Variants in TAGLN2 observed in about 807,000 individuals in gnomAD.
The protein encoded by TAGLN2 is transgelin-2.
TAGLN2 carries 14 observed loss-of-function variants against 24.9 expected under a neutral mutation model. The ratio of observed to expected loss-of-function variants is 0.56; its 90% CI spans 0.37 to 0.88. TAGLN2 has a LOEUF of 0.88. Ranked by LOEUF, TAGLN2 falls within the 40% of genes least tolerant of loss-of-function variation. TAGLN2 has a pLI of 0.00. For synonymous variants in TAGLN2, 77 were observed against 98.2 expected (o/e 0.78, Z 1.28); for missense variants, 208 against 258.9 (o/e 0.80, Z 1.35).
rs1349711225 is a variant in TAGLN2 at position 159,918,368 on chromosome 1, T to G, written c.*432A>C. On this transcript the variant is annotated 3_prime_UTR_variant, in exon 5 of 5. Transcript: ENST00000368097. The stretch of plus-strand genomic sequence containing the variant: ...TAAATTAAGTTCCTGCAGCCACAGC[T>G]GTGGGAGAAGCATACTTGTAGAAGC... 6.3e-6 allele frequency: 1 copy of G among 158,066 alleles called. No homozygotes were observed. Among genetic ancestry groups the G allele is most frequent in the Non-Finnish European group, 1.4e-5 (1 of 71,378 alleles). The allele number at this position is 158,066 out of a possible 1,614,324, so 9.8% of individuals were successfully genotyped here. A position where few individuals can be genotyped will look rare whatever the true frequency, so the allele number is the denominator to read the frequency against.
intron 4 of TAGLN2, 140 bp downstream of exon 4, chr1:159,919,134 G>A (rs1650438570): frequency 8.1e-7 from 1 of 1,238,460 alleles, no homozygotes; most frequent in Admixed American, 1.9e-5. Flanking sequence ...AGGGTGTTGT[G>A]AGGATTAAGT....
intron 1 of TAGLN2, chr1:159,923,552 G>A: frequency 1.4e-6 from 2 of 1,435,948 alleles, no homozygotes; most frequent in Middle Eastern, 1.8e-4. Context: ...CCACCGTGCA[G>A]ATGGAACACA....
At chr1:159,924,681 C>A (rs1443113403) in intron 1 of TAGLN2, 1 of 152,212 alleles carries the variant, frequency 6.6e-6, no homozygotes, top group Non-Finnish European at 1.5e-5. Context: ...ACGCAGTGGT[C>A]TGGGCAGCCC....
At chr1:159,921,109 G>GA (rs932199417) in intron 1 of TAGLN2, among the ~76,000 whole-genome samples, 1 of 152,192 alleles carries the variant, frequency 6.6e-6, no homozygotes, top group Non-Finnish European at 1.5e-5. Context: ...AATTTCCTAT[G>GA]AAAAACCAGG....
intron 3 of TAGLN2, 97 bp from the exon 4 acceptor site, chr1:159,919,473 T>C: frequency 2.1e-6 from 3 of 1,408,088 alleles, no homozygotes; most frequent in South Asian, 1.2e-5. Flanking sequence ...TTCCTAATTA[T>C]TTCTACTGTT....
rs1650497809 is a variant in TAGLN2 at position 159,920,542 on chromosome 1, G to T, written c.-28-5C>A. ...GGTGGCGGTGGCTGCGGGGAGCTAG[G>T]GAGAGGACACACCCGGGCTTTTGGT... On this transcript the variant is annotated splice_region_variant and splice_polypyrimidine_tract_variant and intron_variant, in intron 1 of 4. Transcript: ENST00000368097. The T allele has an allele frequency of 2.5e-6, 4 of 1,611,540 alleles. No individual in the cohort carries two copies. The highest frequency in any genetic ancestry group is 3.4e-6 in the Non-Finnish European group (4 of 1,178,022).
Position 159,918,691 on chromosome 1 carries a change from G to C in TAGLN2, c.*109C>G, listed in dbSNP as rs1392483953. On this transcript the variant is annotated 3_prime_UTR_variant, in exon 5 of 5. Coordinates refer to ENST00000368097, the MANE Select transcript of TAGLN2 (RefSeq NM_003564.3). ...ACAGGCTGAACCCCCCACCCTGACA[G>C]AAAGGAGCTTGAGAGCTCTGGGGCT... 2 of 1,481,208 alleles carry C rather than the reference G, an allele frequency of 1.4e-6. No homozygotes were observed. The highest frequency in any genetic ancestry group is 2.8e-5 in the African/African-American group (2 of 71,470). 91.8% of individuals were successfully genotyped at this position (1,481,208 alleles called of 1,614,324 possible).
At chr1:159,923,468 C>A (rs1446017769) in intron 1 of TAGLN2, 4 of 1,549,812 alleles carry the variant, frequency 2.6e-6, no homozygotes, top group Admixed American at 2.0e-5. Flanking sequence ...AAAAGGCGGA[C>A]ATGGGTGGGG....
At chr1:159,920,571 C>T (rs771243726) in intron 1 of TAGLN2, 34 bp from the exon 2 acceptor site, 46 of 1,593,640 alleles carry the variant, frequency 2.9e-5, no homozygotes, top group Non-Finnish European at 3.9e-5. Context: ...TTTTGGTCAA[C>T]ACCTTGCAGC....
intron 1 of TAGLN2, chr1:159,923,548 T>A: frequency 1.4e-6 from 2 of 1,439,884 alleles, no homozygotes; most frequent in Non-Finnish European, 1.9e-6. Flanking sequence ...CCATCCACCG[T>A]GCAGATGGAA....
At chr1:159,919,531 C>G in intron 3 of TAGLN2, 130 bp downstream of exon 3, 1 of 1,343,336 alleles carries the variant, frequency 7.4e-7, no homozygotes, top group South Asian at 1.3e-5. Context: ...ACCAAGTGCT[C>G]CATGGAACAC....
intron 1 of TAGLN2, among the ~76,000 whole-genome samples, chr1:159,921,076 G>C (rs1650516908): frequency 6.6e-6 from 1 of 152,212 alleles, no homozygotes; most frequent in Non-Finnish European, 1.5e-5. Context: ...ATAGGTCCTT[G>C]AGGGATTTCA....
intron 4 of TAGLN2, 61 bp downstream of exon 4, chr1:159,919,213 G>T (rs2101864789): frequency 3.3e-6 from 5 of 1,512,648 alleles, no homozygotes; most frequent in Middle Eastern, 1.8e-4. Flanking sequence ...ATTTCCTAGG[G>T]ACAGGATTGG....
chr1:159,918,924 G>A lies in TAGLN2; in HGVS notation c.476C>T (p.Pro159Leu). 1.2e-6 allele frequency: 2 copies of A among 1,614,176 alleles called. No individual in the cohort carries two copies. The highest frequency in any genetic ancestry group is 1.3e-5 in the African/African-American group (1 of 75,050). The stretch of plus-strand genomic sequence containing the variant: ...CAGCTGGTTATCCGAGAAGTTCCGA[G>A]GATTCTCCTTGGATTTCCTGGGTGA... ...NWFPKKSKEN[P>L]RNFSDNQLQE... Residue 159 changes from proline (P) to leucine (L), a missense_variant, in exon 5 of 5, where the codon CCT becomes CTT. By Grantham distance (98) the Pro-to-Leu change is moderately conservative. Transcript: ENST00000368097.
intron 2 of TAGLN2, 49 bp downstream of exon 2, chr1:159,920,281 C>T (rs1360946503): frequency 1.2e-6 from 2 of 1,613,954 alleles, no homozygotes; most frequent in Non-Finnish European, 1.7e-6. Flanking sequence ...TCCACTGGAC[C>T]CAGTCCTGCT....
At position 159,919,329 on chromosome 1, in the gene TAGLN2, G is replaced by A; in HGVS notation, c.403C>T (p.Leu135=). ...AGCCCATCATCTCGGGCTACTGCCA[G>A]CCCACCCAGATTCATCAGCGTCCGC... ...VQRTLMNLGG[L]AVARDDGLFS... The change falls in exon 4 of 5, where the codon CTG becomes TTG. Residue 135 remains leucine (L), a synonymous_variant. Transcript: ENST00000368097. 6.2e-7 allele frequency: 1 copy of A among 1,614,222 alleles called. No individual in the cohort carries two copies. Among genetic ancestry groups the A allele is most frequent in the Non-Finnish European group, 8.5e-7 (1 of 1,180,036 alleles).
chr1:159,924,842 A>T (rs1650650328), intron 1 of TAGLN2, among the ~76,000 whole-genome samples: 1 of 151,944 alleles, frequency 6.6e-6, no homozygotes, highest in African/African-American at 2.4e-5. Flanking sequence ...CAGCACCCAG[A>T]CCCCCGAGGT....
chr1:159,923,504 C>G (rs1385156934), intron 1 of TAGLN2: 1 of 1,543,814 alleles, frequency 6.5e-7, no homozygotes, highest in Non-Finnish European at 8.7e-7. Context: ...GGGTTCTTGG[C>G]TAGGGTGTTT....
intron 2 of TAGLN2, 128 bp from the exon 3 acceptor site, chr1:159,919,963 T>C: frequency 4.7e-6 from 5 of 1,061,486 alleles, no homozygotes; most frequent in Non-Finnish European, 7.0e-6. Flanking sequence ...CAGCTTGGAC[T>C]CTTTCACTAG....
Sources: allele counts gnomAD v4.1 joint callset (sites outside exome capture counted in the v4.1 genomes callset), GRCh38; gene constraint gnomAD v4.1.1; transcripts MANE v1.5; gene names NCBI Gene and HGNC (gene_info 2026-07-23, HGNC 2026-07-21).